CUL7: variants seen among roughly 807,000 people sequenced by gnomAD.
The protein encoded by CUL7 is cullin 7, also known as cullin-7.
A neutral mutation model predicts 177.7 loss-of-function variants in CUL7; 96 were observed. The observed-to-expected ratio is 0.54, with a 90% CI of 0.46 to 0.64. The LOEUF is 0.64. Among genes scored for constraint, CUL7 ranks in the 30% least tolerant of loss-of-function variants. CUL7 has a pLI of 0.00. For missense variants in CUL7, 1,893 were observed against 2,187.9 expected, an observed-to-expected ratio of 0.87 and a Z score of 2.69; for synonymous variants, 824 against 890.2, an observed-to-expected ratio of 0.93 and a Z score of 1.32.
chr6:43,043,047 C>A lies in CUL7; in HGVS notation c.3462+27G>T, dbSNP rs1763585258. The A allele has an allele frequency of 6.2e-7, 1 of 1,613,362 alleles. No homozygotes were observed. Among genetic ancestry groups the A allele is most frequent in the Admixed American group, 1.7e-5 (1 of 60,030 alleles). ...ACATGCCACCATTATGGTGTCCCCT[C>A]TCTCCCGCAGGCCTGCTCCTGCCCA... On this transcript the variant is annotated intron_variant, in intron 18 of 25. Coordinates refer to ENST00000265348, the MANE Select transcript of CUL7 (RefSeq NM_014780.5). The surrounding 1 kb of genome is among the most constrained non-coding windows in gnomAD (Gnocchi z 4.2).
At position 43,044,845 on chromosome 6, in the gene CUL7, G is replaced by A. The variant is rs149152275; in HGVS notation, c.3079C>T (p.Arg1027Cys). The A allele has an allele frequency of 6.5e-5, 105 of 1,613,886 alleles. No individual in the cohort carries two copies. In the East Asian group the frequency reaches 2.1e-3, roughly 33 times the overall value. The change falls in exon 16 of 26, where the codon CGC becomes TGC. Residue 1027 changes from arginine to cysteine, a missense_variant. By Grantham distance (180) the Arg-to-Cys change is radical. Coordinates refer to ENST00000265348, the MANE Select transcript of CUL7 (RefSeq NM_014780.5). Reference sequence around the variant, plus strand: ...GCAGCCTCGTCATCAGGGAGGAAGCGGTCAGCAAAATTCTGCTCCTGGCGC... The same window carrying A: ...GCAGCCTCGTCATCAGGGAGGAAGCAGTCAGCAAAATTCTGCTCCTGGCGC... ...ALRQEQNFAD[R>C]FLPDDEAAQA... is the part of the protein sequence containing the mutation.
At position 43,053,649 on chromosome 6, in the gene CUL7, G is replaced by A; in HGVS notation, c.-36C>T. ...CAGAAGTCCACCGGGGTCCTGGCGC[G>A]AGGCCTGTCCTTCACAGAGCAAGGG... On this transcript the variant is annotated 5_prime_UTR_variant, in exon 1 of 26. Coordinates refer to ENST00000265348, the MANE Select transcript of CUL7 (RefSeq NM_014780.5). The surrounding 1 kb of genome is among the most constrained non-coding windows in gnomAD (Gnocchi z 4.1). 1.5e-6 allele frequency: 2 copies of A among 1,377,272 alleles called. No homozygotes were observed. Among genetic ancestry groups the A allele is most frequent in the Non-Finnish European group, 1.9e-6 (2 of 1,070,102 alleles). The allele number at this position is 1,377,272 out of a possible 1,614,324, so 85.3% of individuals were successfully genotyped here. A position where few individuals can be genotyped will look rare whatever the true frequency, so the allele number is the denominator to read the frequency against.
chr6:43,040,744 T>C lies in CUL7; in HGVS notation c.3809A>G (p.His1270Arg), dbSNP rs575543369. Residue 1270 changes from histidine (H) to arginine (R), a missense_variant and splice_region_variant, in exon 21 of 26, where the codon CAC (histidine) becomes CGC (arginine). This residue lies in a region of CUL7 where 973 missense variants were observed against 1,140.9 expected (regional missense o/e 0.85). Coordinates refer to ENST00000265348, the MANE Select transcript of CUL7 (RefSeq NM_014780.5). The surrounding 1 kb of genome is among the most constrained non-coding windows in gnomAD (Gnocchi z 4.2). ...GCCCAGGAGACGGTCCGCCATGTAG[T>C]GCCTGCAGTGCATGCAGCCCGGGCC... ...IATTFEHYYQ[H>R]YMADRLLGVV... The C allele has an allele frequency of 7.4e-6, 12 of 1,614,072 alleles. No homozygotes were observed. In the South Asian group the frequency reaches 8.8e-5, roughly 12 times the overall value.
chr6:43,046,842 A>T (rs2150325300), intron 10 of CUL7, 38 bp downstream of exon 10: 1 of 1,350,966 alleles, frequency 7.4e-7, no homozygotes, highest in Admixed American at 1.7e-5. Flanking sequence ...TCATATTCTG[A>T]TGCCACTCTA....
At position 43,049,623 on chromosome 6, in the gene CUL7, T is replaced by C; in HGVS notation, c.1609A>G (p.Ile537Val). The stretch of plus-strand genomic sequence containing the variant: ...AGCAGCAAGTCCTGGGCCAATTCTA[T>C]GGGCACGGCCAGTTCAGCTAGGATC... ...DEILAELAVP[I>V]ELAQDLLLTL... The change falls in exon 7 of 26, where the codon ATA becomes GTA. Residue 537 changes from isoleucine (I) to valine (V), a missense_variant. Ile to Val is a conservative substitution (Grantham distance 29). Coordinates refer to ENST00000265348, the MANE Select transcript of CUL7 (RefSeq NM_014780.5). The C allele has an allele frequency of 6.2e-7, 1 of 1,614,188 alleles. No individual in the cohort carries two copies.
In CUL7 at chr6:43,040,465, C is replaced by G. The variant is rs922465157; in HGVS notation, c.4024-39G>C. The G allele has an allele frequency of 6.2e-6, 10 of 1,612,198 alleles. No individual in the cohort carries two copies. Among genetic ancestry groups the G allele is most frequent in the Non-Finnish European group, 8.5e-6 (10 of 1,180,036 alleles). ...GGGTTCCCAGATGCCATGGCCTCCT[C>G]CAGTCTGCTCCACGCCCCTCTTCCC... On this transcript the variant is annotated intron_variant, in intron 21 of 25. Transcript: ENST00000265348. The surrounding 1 kb of genome is among the most constrained non-coding windows in gnomAD (Gnocchi z 4.2).
Position 43,051,467 on chromosome 6 carries a change from A to G in CUL7, c.734T>C (p.Val245Ala). ...MSFEGIQLPQ[V>A]PGRVLFSLVK... ...CAGGGAGAAGAGCACCCTTCCTGGG[A>G]CCTGTGGGATACAACCTTTGGCCTA... Residue 245 changes from valine (V) to alanine (A), a missense_variant and splice_region_variant, in exon 4 of 26, where the codon GTC becomes GCC. Val to Ala is a moderately conservative substitution (Grantham distance 64). This residue lies in a region of CUL7 where 653 missense variants were observed against 725.2 expected (regional missense o/e 0.90). Transcript: ENST00000265348. This position sits in a 1 kb window ranked among gnomAD's most constrained non-coding sequence, Gnocchi z 5.0. 2 of 1,614,036 alleles carry G rather than the reference A, an allele frequency of 1.2e-6. No homozygotes were observed. The highest frequency in any genetic ancestry group is 1.7e-6 in the Non-Finnish European group (2 of 1,180,014).
rs1219205774 is a variant in CUL7 at position 43,050,599 on chromosome 6, CACACACAG to C, written c.1234-209_1234-202del. On this transcript the variant is annotated intron_variant, in intron 4 of 25. Coordinates refer to ENST00000265348, the MANE Select transcript of CUL7 (RefSeq NM_014780.5). The surrounding 1 kb of genome is among the most constrained non-coding windows in gnomAD (Gnocchi z 4.1). Reference sequence around the variant, plus strand: ...ACACACACACACACACACACACACACACACACAGGATGCCTTCTCCTTTGGGGGATGGG... The same window carrying C: ...ACACACACACACACACACACACACACGATGCCTTCTCCTTTGGGGGATGGG... Among the ~76,000 whole-genome samples the C allele has an allele frequency of 7.7e-5, 11 of 142,028 alleles. No homozygotes were observed. 93.2% of individuals were successfully genotyped at this position (142,028 alleles called of 152,430 possible).
chr6:43,052,260 T>C lies in CUL7; in HGVS notation c.529A>G (p.Ile177Val), dbSNP rs1764479114. The C allele has an allele frequency of 6.2e-7, 1 of 1,614,194 alleles. No homozygotes were observed. Among genetic ancestry groups the C allele is most frequent in the Non-Finnish European group, 8.5e-7 (1 of 1,180,036 alleles). ...MHMLSSPDYQ[I>V]RWSAGRMIQA... ...ATCATCCGGCCTGCACTCCAGCGAA[T>C]CTGATAATCAGGACTACTCAACATG... The change falls in exon 2 of 26, where the codon ATT becomes GTT. Residue 177 changes from isoleucine (I) to valine (V), a missense_variant. Transcript: ENST00000265348. This position sits in a 1 kb window ranked among gnomAD's most constrained non-coding sequence, Gnocchi z 4.5.
intron 19 of CUL7, 66 bp from the exon 20 acceptor site, chr6:43,041,141 G>A (rs1296330964): frequency 7.1e-6 from 11 of 1,541,852 alleles, no homozygotes; most frequent in African/African-American, 2.7e-5. Context: ...GGGGAGGAGG[G>A]ATGAGGGTCT....
Position 43,040,944 on chromosome 6 carries a change from C to T in CUL7, c.3777G>A (p.Glu1259=), listed in dbSNP as rs1299068237. Residue 1259 remains glutamate, a synonymous_variant, in exon 20 of 26, where the codon GAG becomes GAA. Transcript: ENST00000265348. This position sits in a 1 kb window ranked among gnomAD's most constrained non-coding sequence, Gnocchi z 4.2. ...AATAATGCTCAAAAGTGGTGGCTAT[C>T]TCCAAGCCGGAGAAAATCAGGACAG... ...LQAVLIFSGL[E]IATTFEHYYQ... is the part of the protein sequence containing the mutation. The T allele has an allele frequency of 6.2e-7, 1 of 1,613,338 alleles. No homozygotes were observed.
In CUL7 at chr6:43,046,978, C is replaced by G; in HGVS notation, c.2299G>C (p.Glu767Gln). 1 of 1,613,258 alleles carries G rather than the reference C, an allele frequency of 6.2e-7. No homozygotes were observed. Among genetic ancestry groups the G allele is most frequent in the Non-Finnish European group, 8.5e-7 (1 of 1,179,212 alleles). The change falls in exon 10 of 26, where the codon GAG (glutamate) becomes CAG (glutamine). Residue 767 changes from glutamate to glutamine, a missense_variant. By Grantham distance (29) the Glu-to-Gln change is conservative (BLOSUM62 2). Coordinates refer to ENST00000265348, the MANE Select transcript of CUL7 (RefSeq NM_014780.5). The part of the protein sequence containing the change: ...KALEKHLGKL[E>Q]LAQELRDMVF... ...ATGTCCCGCAGCTCCTGAGCCAGCTCCAGCTTTCCCAGGTGCTTTTCCAGG... is the reference window on the plus strand; with the variant it reads ...ATGTCCCGCAGCTCCTGAGCCAGCTGCAGCTTTCCCAGGTGCTTTTCCAGG...
Position 43,050,377 on chromosome 6 carries a change from G to T in CUL7, c.1255C>A (p.Arg419Ser). The T allele has an allele frequency of 6.2e-7, 1 of 1,614,078 alleles. No individual in the cohort carries two copies. The highest frequency in any genetic ancestry group is 8.5e-7 in the Non-Finnish European group (1 of 1,180,004). Reference protein sequence around the residue: ...PVQVFWESTGRTYWVHWHMLE... With the variant: ...PVQVFWESTGSTYWVHWHMLE... ...ATGTGCCAGTGCACCCAATAGGTGC[G>T]GCCTGTTGACTCCCAAAATACCTGG... Residue 419 changes from arginine (R) to serine (S), a missense_variant, in exon 5 of 26, where the codon CGC becomes AGC. This residue lies in a region of CUL7 where 653 missense variants were observed against 725.2 expected (regional missense o/e 0.90). Coordinates refer to ENST00000265348, the MANE Select transcript of CUL7 (RefSeq NM_014780.5). This position sits in a 1 kb window ranked among gnomAD's most constrained non-coding sequence, Gnocchi z 4.1.
In CUL7 at chr6:43,043,457, G is replaced by C. The variant is rs773640323; in HGVS notation, c.3346C>G (p.Pro1116Ala). ...AATCTCCACTACTCACTGGGCCGAG[G>C]AGTGGCCACCACAGGAGGGGGTGCC... ...CEAPPPVVATPRPKGRNRSHD... is the reference protein window; with the variant it reads ...CEAPPPVVATARPKGRNRSHD... The change falls in exon 17 of 26, where the codon CCT (proline) becomes GCT (alanine). Residue 1116 changes from proline to alanine, a missense_variant. Transcript: ENST00000265348. The surrounding 1 kb of genome is among the most constrained non-coding windows in gnomAD (Gnocchi z 4.2). 2 of 1,613,874 alleles carry C rather than the reference G, an allele frequency of 1.2e-6. No homozygotes were observed. Among genetic ancestry groups the C allele is most frequent in the Non-Finnish European group, 1.7e-6 (2 of 1,179,832 alleles).
chr6:43,040,632 G>A lies in CUL7; in HGVS notation c.3921C>T (p.Ser1307=), dbSNP rs1390557277. 1.2e-6 allele frequency: 2 copies of A among 1,614,210 alleles called. No homozygotes were observed. Among genetic ancestry groups the A allele is most frequent in the South Asian group, 1.1e-5 (1 of 91,082 alleles). Residue 1307 remains serine, a synonymous_variant, in exon 21 of 26, where the codon AGC becomes AGT. Coordinates refer to ENST00000265348, the MANE Select transcript of CUL7 (RefSeq NM_014780.5). The surrounding 1 kb of genome is among the most constrained non-coding windows in gnomAD (Gnocchi z 4.2). ...GCTGCAGCTCCTTAGAGGTGCTCAG[G>A]CTCTGCAACATCTGCTGGGGGAGGC... The part of the protein sequence containing the change: ...PNRLPQQMLQ[S]LSTSKELQRQ...
At chr6:43,042,415 ACTGCAACCTCCACTTC>A (rs1371364528) in intron 19 of CUL7, among the ~76,000 whole-genome samples, 3 of 152,094 alleles carry the variant, frequency 2.0e-5, no homozygotes, top group Non-Finnish European at 4.4e-5. Flanking sequence ...GCTGACTGCA[ACTGCAACCTCCACTTC>A]CTGGGTTCAA....
rs1561882473 is a variant in CUL7, at chr6:43,045,198, C to G, written c.3038+29G>C. 6.2e-7 allele frequency: 1 copy of G among 1,607,384 alleles called. No homozygotes were observed. Among genetic ancestry groups the G allele is most frequent in the East Asian group, 2.2e-5 (1 of 44,602 alleles). On this transcript the variant is annotated intron_variant, in intron 15 of 25. Coordinates refer to ENST00000265348, the MANE Select transcript of CUL7 (RefSeq NM_014780.5). This position sits in a 1 kb window ranked among gnomAD's most constrained non-coding sequence, Gnocchi z 4.8. ...GCAATAGCCTTACCTTTCCCACAGA[C>G]ACAAGCATACACGCACACTCTCACA...
chr6:43,052,531 G>A lies in CUL7; in HGVS notation c.258C>T (p.Gly86=), dbSNP rs1581967711. 2 of 1,614,206 alleles carry A rather than the reference G, an allele frequency of 1.2e-6. No homozygotes were observed. The highest frequency in any genetic ancestry group is 2.2e-5 in the East Asian group (1 of 44,884). Residue 86 remains glycine (G), a synonymous_variant, in exon 2 of 26, where the codon GGC becomes GGT. Coordinates refer to ENST00000265348, the MANE Select transcript of CUL7 (RefSeq NM_014780.5). This position sits in a 1 kb window ranked among gnomAD's most constrained non-coding sequence, Gnocchi z 4.5. ...ANCHKMLGED[G]QVIGPSQESA... ...ACTCCTGGGAGGGCCCGATGACCTG[G>A]CCATCCTCGCCCAGCATCTTGTGGC...
chr6:43,039,735 C>CT (rs763879172), intron 22 of CUL7, among the ~76,000 whole-genome samples: 4,576 of 94,834 alleles, frequency 0.048, 308 homozygotes, highest in Admixed American at 0.093. Flanking sequence ...AAGACCAACT[C>CT]TTTTTTTTTT....
Sources: gnomAD v4.1 joint callset for allele counts (sites outside exome capture counted in the v4.1 genomes callset) on GRCh38, gnomAD v4.1.1 for gene constraint, gnomAD v4.1.1 regional missense constraint, Gnocchi (gnomAD v3.1) non-coding constraint, MANE v1.5 for transcripts, NCBI Gene and HGNC (gene_info 2026-07-23, HGNC 2026-07-21) for gene names.